The following LYZL1 variants were observed in gnomAD, a reference collection of about 807,000 sequenced individuals.
LYZL1 encodes the protein lysozyme-like protein 1.
In LYZL1, 16 loss-of-function variants were observed where a neutral mutation model predicts 17.9. That is an observed-to-expected ratio of 0.90 (90% CI 0.61 to 1.36). The LOEUF is 1.36. LYZL1 is among the 40% of genes most tolerant of loss of function. LYZL1 has a pLI of 0.00. For synonymous variants in LYZL1, 58 were observed against 71.8 expected (o/e 0.81, Z 0.97); for missense variants, 149 against 188.4 (o/e 0.79, Z 1.22).
chr10:29,312,492 AC>A (rs1238535757), downstream of LYZL1, among the ~76,000 whole-genome samples: 1 of 151,998 alleles, frequency 6.6e-6, no homozygotes, highest in Admixed American at 6.6e-5. Context: ...AAGATGGGAC[AC>A]CCCTGATTTA....
intron 3 of LYZL1, among the ~76,000 whole-genome samples, chr10:29,296,731 C>A (rs1835450960): frequency 6.6e-6 from 1 of 152,130 alleles, no homozygotes; most frequent in Non-Finnish European, 1.5e-5. Flanking sequence ...TTCTAGGGAT[C>A]TGGCCAAATT....
At chr10:29,304,024 G>C (rs1835557101) in intron 3 of LYZL1, among the ~76,000 whole-genome samples, 1 of 152,200 alleles carries the variant, frequency 6.6e-6, no homozygotes, top group African/African-American at 2.4e-5. Context: ...ACCTCCCAAA[G>C]TGCTGGGATT....
chr10:29,316,674 C>A (rs1395004231), intron 3 of LYZL1, among the ~76,000 whole-genome samples: 1 of 149,828 alleles, frequency 6.7e-6, no homozygotes, highest in Non-Finnish European at 1.5e-5. Context: ...TTTTTTCTTC[C>A]AGGTTTTTTT....
intron 2 of LYZL1, among the ~76,000 whole-genome samples, 173 bp from the exon 3 acceptor site, chr10:29,292,346 C>A (rs185573026): frequency 4.1e-4 from 63 of 152,144 alleles, no homozygotes; most frequent in African/African-American, 1.5e-3. Context: ...TGTGCCATCC[C>A]AGCCCCCGAT....
chr10:29,294,766 A>G (rs1036608158), intron 3 of LYZL1, among the ~76,000 whole-genome samples: 2 of 152,224 alleles, frequency 1.3e-5, no homozygotes, highest in Admixed American at 6.5e-5. Context: ...GAAGGGAGAT[A>G]CATCCCAAGA....
intron 4 of LYZL1, chr10:29,317,594 G>T (rs1348943019): frequency 6.6e-6 from 1 of 152,238 alleles, no homozygotes. Flanking sequence ...GCGCCCTTGA[G>T]AGACTGCCAG....
intron 4 of LYZL1, 26 bp from the exon 5 acceptor site, chr10:29,310,964 T>G: frequency 6.2e-7 from 1 of 1,614,220 alleles, no homozygotes; most frequent in Non-Finnish European, 8.5e-7. Context: ...TTCTTTCTGC[T>G]GCTCCTGCTT....
At chr10:29,301,050 C>T (rs928577510) in intron 3 of LYZL1, among the ~76,000 whole-genome samples, 2 of 152,026 alleles carry the variant, frequency 1.3e-5, no homozygotes, top group Non-Finnish European at 2.9e-5. Flanking sequence ...ACCGAAATCT[C>T]ATCTTGAATT....
chr10:29,314,189 C>G (rs1191630173), downstream of LYZL1, among the ~76,000 whole-genome samples: 1 of 152,124 alleles, frequency 6.6e-6, no homozygotes, highest in Non-Finnish European at 1.5e-5. Flanking sequence ...TCCTCTAACC[C>G]CTAAAGCTCT....
intron 3 of LYZL1, among the ~76,000 whole-genome samples, chr10:29,306,864 GAGA>G (rs1316802339): frequency 5.0e-5 from 7 of 139,702 alleles, no homozygotes; most frequent in East Asian, 2.1e-4. Context: ...GAGAGAGAGA[GAGA>G]AGAACACTTA....
At chr10:29,292,325 A>G (rs1751954) in intron 2 of LYZL1, among the ~76,000 whole-genome samples, 194 bp from the exon 3 acceptor site, 72,710 of 150,496 alleles carry the variant, frequency 0.48, 18,129 homozygotes, top group Non-Finnish European at 0.55. Flanking sequence ...GACTGGGTGT[A>G]CAGCTTCAGG....
At chr10:29,304,991 T>C (rs1215901412) in intron 3 of LYZL1, among the ~76,000 whole-genome samples, 1 of 152,154 alleles carries the variant, frequency 6.6e-6, no homozygotes, top group Non-Finnish European at 1.5e-5. Flanking sequence ...ACAATCAAAC[T>C]GCCCTGCCCC....
At chr10:29,299,995 C>T (rs2132823760) in intron 3 of LYZL1, among the ~76,000 whole-genome samples, 1 of 152,292 alleles carries the variant, frequency 6.6e-6, no homozygotes, top group South Asian at 2.1e-4. Flanking sequence ...TGCAACTACT[C>T]AACCACGACA....
At chr10:29,291,443 T>C (rs1333630732) in intron 1 of LYZL1, among the ~76,000 whole-genome samples, 4 of 151,454 alleles carry the variant, frequency 2.6e-5, no homozygotes, top group African/African-American at 9.7e-5. Flanking sequence ...CACGGATAAA[T>C]GGACCCACGC....
intron 1 of LYZL1, among the ~76,000 whole-genome samples, 187 bp downstream of exon 1, chr10:29,289,417 C>CTTTT (rs11347424): frequency 1.6e-5 from 2 of 128,734 alleles, no homozygotes; most frequent in African/African-American, 3.1e-5. Flanking sequence ...TTTTTCTTTT[C>CTTTT]TTTTTTTTTT....
chr10:29,310,245 T>A, intron 4 of LYZL1, 57 bp downstream of exon 4: 1 of 1,304,348 alleles, frequency 7.7e-7, no homozygotes. Flanking sequence ...AGTGTGTGTA[T>A]TTATCACAGT....
At chr10:29,302,052 T>C (rs1341297509) in intron 3 of LYZL1, among the ~76,000 whole-genome samples, 1 of 152,258 alleles carries the variant, frequency 6.6e-6, no homozygotes, top group African/African-American at 2.4e-5. Flanking sequence ...TTGACATAAG[T>C]AAGCATGTTT....
At chr10:29,315,325 C>A (rs1273260753), downstream of LYZL1, among the ~76,000 whole-genome samples, 1 of 152,042 alleles carries the variant, frequency 6.6e-6, no homozygotes, top group African/African-American at 2.4e-5. Context: ...TCCTGCCCAA[C>A]ATGGTGAAAC....
intron 3 of LYZL1, among the ~76,000 whole-genome samples, chr10:29,308,340 C>T (rs536743346): frequency 4.3e-4 from 65 of 152,290 alleles, no homozygotes; most frequent in Admixed American, 1.1e-3. Flanking sequence ...GGTGCTCACT[C>T]GGGAGCTCAT....
Sources: allele counts gnomAD v4.1 joint callset (sites outside exome capture counted in the v4.1 genomes callset), GRCh38; gene constraint gnomAD v4.1.1; transcripts MANE v1.5; gene names NCBI Gene and HGNC (gene_info 2026-07-23, HGNC 2026-07-21).